Variants in PDHX observed in about 807,000 individuals in gnomAD.
The protein encoded by PDHX is pyruvate dehydrogenase protein X component, mitochondrial.
PDHX carries 33 observed loss-of-function variants against 55.3 expected under a neutral mutation model. The ratio of observed to expected loss-of-function variants is 0.60; its 90% confidence interval spans 0.45 to 0.80. PDHX has a LOEUF of 0.80. Among genes scored for constraint, PDHX ranks in the 30% least tolerant of loss-of-function variants. The probability of loss-of-function intolerance (pLI) is 0.00; values close to 1 mark genes in which losing one functional copy is unlikely to be tolerated. For synonymous variants in PDHX, 226 were observed against 219.4 expected, an observed-to-expected ratio of 1.03 and a Z score of -0.27; for missense variants, 622 against 619.9, an observed-to-expected ratio of 1.00 and a Z score of -0.04.
intron 3 of PDHX, among the ~76,000 whole-genome samples, chr11:34,948,810 C>A (rs1854685717): frequency 6.6e-6 from 1 of 152,126 alleles, no homozygotes; most frequent in Admixed American, 6.5e-5. Flanking sequence ...ATTTATGCAG[C>A]ATATTGAAAC....
chr11:34,916,164 G>GCCGCCGGGTC (rs1293014505), upstream of PDHX: 6 of 1,563,786 alleles, frequency 3.8e-6, no homozygotes, highest in East Asian at 9.5e-5. Flanking sequence ...CCCAGCTCCA[G>GCCGCCGGGTC]CCGCCGGGTC....
At chr11:34,974,448 A>G (rs1855323773) in intron 7 of PDHX, among the ~76,000 whole-genome samples, 1 of 152,156 alleles carries the variant, frequency 6.6e-6, no homozygotes, top group Non-Finnish European at 1.5e-5. Context: ...CCTTTTGGCT[A>G]TTGTGAATAA....
chr11:34,934,571 ATTTTTTTTT>A (rs35227178), intron 2 of PDHX, among the ~76,000 whole-genome samples: 1 of 92,414 alleles, frequency 1.1e-5, no homozygotes, highest in Non-Finnish European at 2.0e-5. Context: ...GATATTATGG[ATTTTTTTTT>A]TTTTTTTTTT....
At chr11:34,965,655 G>C (rs1240600016) in intron 5 of PDHX, among the ~76,000 whole-genome samples, 1 of 152,090 alleles carries the variant, frequency 6.6e-6, no homozygotes, top group Non-Finnish European at 1.5e-5. Flanking sequence ...AGGAATATTG[G>C]GGCCATCTCA....
intron 4 of PDHX, among the ~76,000 whole-genome samples, chr11:34,957,838 T>G (rs920491112): frequency 1.3e-5 from 2 of 152,140 alleles, no homozygotes; most frequent in South Asian, 2.1e-4. Context: ...AACCAAACAG[T>G]ATGTGTCCAT....
chr11:34,969,915 ATTAC>A (rs1481618867), intron 6 of PDHX, among the ~76,000 whole-genome samples: 1 of 152,100 alleles, frequency 6.6e-6, no homozygotes, highest in Non-Finnish European at 1.5e-5. Flanking sequence ...CATGAATTTT[ATTAC>A]TTTTTTCTGT....
intron 1 of PDHX, among the ~76,000 whole-genome samples, chr11:34,917,565 ACTGACGTTTTTTAGTGTGACGTATTAC>A (rs1853762260): frequency 6.6e-6 from 1 of 152,102 alleles, no homozygotes; most frequent in African/African-American, 2.4e-5. Flanking sequence ...GGAGAATAGG[ACTGACGTTTTTTAGTGTGACGTATTAC>A]CTGCCAATCA....
At chr11:34,973,017 A>G (rs1405258921) in intron 7 of PDHX, among the ~76,000 whole-genome samples, 1 of 152,100 alleles carries the variant, frequency 6.6e-6, no homozygotes, top group Admixed American at 6.5e-5. Flanking sequence ...AGTGTTGTTT[A>G]TGTCTTTTGA....
intron 3 of PDHX, among the ~76,000 whole-genome samples, chr11:34,951,310 C>A (rs1325247637): frequency 6.6e-6 from 1 of 150,778 alleles, no homozygotes; most frequent in Admixed American, 6.6e-5. Context: ...CCACCCGCCT[C>A]GGCCTCCCAA....
intron 3 of PDHX, 132 bp downstream of exon 3, chr11:34,947,738 G>A: frequency 1.5e-6 from 1 of 673,870 alleles, no homozygotes; most frequent in South Asian, 1.7e-5. Flanking sequence ...TACATTTTTA[G>A]TTCAAGTGTT....
At chr11:34,983,232 G>A (rs946880925) in intron 8 of PDHX, among the ~76,000 whole-genome samples, 5 of 152,124 alleles carry the variant, frequency 3.3e-5, no homozygotes. Context: ...AACACTTCAT[G>A]CTAAAAACTC....
At chr11:34,957,709 A>T (rs866951976) in intron 4 of PDHX, 126 bp downstream of exon 4, 3 of 740,052 alleles carry the variant, frequency 4.1e-6, no homozygotes, top group African/African-American at 3.7e-5. Flanking sequence ...TTCTCAGCAC[A>T]CTCAGACCTT....
rs142285980 is a variant in PDHX at position 34,977,290 on chromosome 11, G to T, written c.965-834G>T. On this transcript the variant is annotated intron_variant, in intron 7 of 10. Transcript: ENST00000227868. ...TTTTTCTATAAGCTCTTGCAAGAAA[G>T]AATCAAGTGTTGTTTACATTTTCTA... Among the ~76,000 whole-genome samples, 28 of 152,250 alleles carry T rather than the reference G, an allele frequency of 1.8e-4. No individual in the cohort carries two copies. In the East Asian group the frequency reaches 5.4e-3, roughly 29 times the overall value.
intron 1 of PDHX, among the ~76,000 whole-genome samples, chr11:34,917,447 G>A (rs917546999): frequency 1.3e-5 from 2 of 152,170 alleles, no homozygotes; most frequent in African/African-American, 4.8e-5. Flanking sequence ...GTTTAGTAAT[G>A]ATATTGATGC....
chr11:34,985,079 A>G (rs960408740), intron 9 of PDHX, among the ~76,000 whole-genome samples: 4 of 152,360 alleles, frequency 2.6e-5, no homozygotes, highest in African/African-American at 4.8e-5. Flanking sequence ...CTGTATTTCT[A>G]TGGACCTCAA....
At chr11:34,968,324 A>T (rs1280679383) in intron 6 of PDHX, among the ~76,000 whole-genome samples, 1 of 151,908 alleles carries the variant, frequency 6.6e-6, no homozygotes, top group East Asian at 1.9e-4. Context: ...TTCTTATGGT[A>T]TGTAGAGAGC....
In PDHX at chr11:34,946,284, A is replaced by AT. The variant is rs202066589; in HGVS notation, c.242-1213dup. Among the ~76,000 whole-genome samples, 610 of 147,796 alleles carry AT rather than the reference A, an allele frequency of 4.1e-3. 4 individuals carry two copies. The highest frequency in any genetic ancestry group is 0.015 in the African/African-American group (585 of 40,098). ...CGTTTTTTTATTTCTACCTGATACCATTTTTTTTTAATTTCTTGTTCTTGT... is the reference window on the plus strand; with the variant it reads ...CGTTTTTTTATTTCTACCTGATACCATTTTTTTTTTAATTTCTTGTTCTTGT... On this transcript the variant is annotated intron_variant, in intron 2 of 10. Coordinates refer to ENST00000227868, the MANE Select transcript of PDHX (RefSeq NM_003477.3).
intron 7 of PDHX, among the ~76,000 whole-genome samples, chr11:34,974,635 G>T (rs560564501): frequency 6.6e-6 from 1 of 152,014 alleles, no homozygotes. Context: ...CACTAATGGC[G>T]CACCAATGGG....
chr11:34,991,906 C>CAAAAAAAAA (rs1169109545), intron 9 of PDHX, among the ~76,000 whole-genome samples: 6 of 37,270 alleles, frequency 1.6e-4, no homozygotes, highest in African/African-American at 3.1e-4. Context: ...TGAGACTTCT[C>CAAAAAAAAA]AAAAAAAAAA....
Sources: allele counts gnomAD v4.1 joint callset (sites outside exome capture counted in the v4.1 genomes callset), GRCh38; gene constraint gnomAD v4.1.1; transcripts MANE v1.5; gene names NCBI Gene and HGNC (gene_info 2026-07-23, HGNC 2026-07-21).